The following PCDHA1 variants were observed in gnomAD, a reference collection of about 807,000 sequenced individuals.
PCDHA1 encodes protocadherin alpha 1.
A neutral mutation model predicts 61.3 loss-of-function variants in PCDHA1; 42 were observed. The ratio of observed to expected loss-of-function variants is 0.69; its 90% confidence interval spans 0.54 to 0.89. The LOEUF is 0.89. PCDHA1 is among the 40% of genes least tolerant of loss of function. The pLI is 0.00. For synonymous variants in PCDHA1, 610 were observed against 553.8 expected (o/e 1.10, Z -1.43); for missense variants, 1,256 against 1,235.3 (o/e 1.02, Z -0.25).
chr5:140,941,548 C>CTCG (rs1175641247), intron 1 of PCDHA1, among the ~76,000 whole-genome samples: 1 of 151,868 alleles, frequency 6.6e-6, no homozygotes, highest in Non-Finnish European at 1.5e-5. Context: ...AACTCCTGAC[C>CTCG]TCGTGATCCA....
intron 1 of PCDHA1, among the ~76,000 whole-genome samples, chr5:140,896,747 G>C (rs1162214018): frequency 1.3e-5 from 2 of 152,070 alleles, no homozygotes; most frequent in Admixed American, 1.3e-4. Context: ...ATAGATTCTG[G>C]ATATTAGACC....
intron 3 of PCDHA1, among the ~76,000 whole-genome samples, chr5:141,000,387 CTCTCTCTCTATATA>C (rs1446529556): frequency 4.5e-4 from 30 of 66,870 alleles, no homozygotes; most frequent in African/African-American, 1.4e-3. Flanking sequence ...CTCTCTCTCT[CTCTCTCTCTATATA>C]TATATATATA....
At chr5:140,935,673 A>T (rs1462991962) in intron 1 of PCDHA1, among the ~76,000 whole-genome samples, 1 of 152,180 alleles carries the variant, frequency 6.6e-6, no homozygotes, top group Non-Finnish European at 1.5e-5. Flanking sequence ...AATTATGTGA[A>T]ATATTTACAT....
At chr5:140,978,805 T>G in intron 1 of PCDHA1, 144 bp from the exon 2 acceptor site, 4 of 1,492,524 alleles carry the variant, frequency 2.7e-6, no homozygotes, top group Non-Finnish European at 3.6e-6. Flanking sequence ...GTAGATATCA[T>G]CATAGAGTTA....
chr5:140,985,421 G>T (rs1554247049), intron 3 of PCDHA1, among the ~76,000 whole-genome samples: 1 of 152,110 alleles, frequency 6.6e-6, no homozygotes, highest in African/African-American at 2.4e-5. Context: ...GGAGTGAGGA[G>T]GATTTATTAG....
At chr5:140,969,933 C>T (rs2096370749) in intron 1 of PCDHA1, among the ~76,000 whole-genome samples, 1 of 152,192 alleles carries the variant, frequency 6.6e-6, no homozygotes, top group South Asian at 2.1e-4. Context: ...ATTTAGACAT[C>T]ATACTGAAGC....
chr5:140,788,564 G>C lies in PCDHA1; in HGVS notation c.2274G>C (p.Val758=). 6.2e-7 allele frequency: 1 copy of C among 1,614,172 alleles called. No individual in the cohort carries two copies. The highest frequency in any genetic ancestry group is 8.5e-7 in the Non-Finnish European group (1 of 1,180,006). The change falls in exon 1 of 4, where the codon GTG becomes GTC. Residue 758 remains valine, a synonymous_variant. Transcript: ENST00000504120. ...WSNSQQRRQR[V]CSSEGPPKTD... The stretch of plus-strand genomic sequence containing the variant: ...ACTCACAGCAGAGGCGGCAGAGGGT[G>C]TGCTCTAGCGAGGGCCCACCCAAGA...
intron 1 of PCDHA1, among the ~76,000 whole-genome samples, chr5:140,939,255 A>T (rs1032457788): frequency 2.6e-5 from 4 of 152,060 alleles, no homozygotes; most frequent in Non-Finnish European, 4.4e-5. Context: ...GCTCTCTGGA[A>T]CCTCTTTTAT....
At chr5:140,983,171 C>T (rs1371766725) in intron 3 of PCDHA1, among the ~76,000 whole-genome samples, 2 of 152,136 alleles carry the variant, frequency 1.3e-5, no homozygotes, top group Non-Finnish European at 2.9e-5. Flanking sequence ...AACATGACCG[C>T]CTCACAATTT....
At chr5:140,832,176 A>G (rs1421267980) in intron 1 of PCDHA1, among the ~76,000 whole-genome samples, 1 of 152,234 alleles carries the variant, frequency 6.6e-6, no homozygotes, top group African/African-American at 2.4e-5. Flanking sequence ...AGTTTTATGA[A>G]TTCAAAAGAC....
intron 1 of PCDHA1, among the ~76,000 whole-genome samples, chr5:140,878,446 T>C (rs2057593210): frequency 6.6e-6 from 1 of 152,210 alleles, no homozygotes; most frequent in Admixed American, 6.5e-5. Flanking sequence ...CTATTCTTAT[T>C]TACATGAAAT....
chr5:140,871,698 C>A, intron 1 of PCDHA1: 2 of 905,580 alleles, frequency 2.2e-6, no homozygotes, highest in Non-Finnish European at 3.2e-6. Context: ...GCTTCTTTAA[C>A]CAATAAATGT....
Position 140,982,485 on chromosome 5 carries a change from C to T in PCDHA1, c.2464C>T (p.Leu822=). 1 of 1,614,100 alleles carries T rather than the reference C, an allele frequency of 6.2e-7. No homozygotes were observed. The highest frequency in any genetic ancestry group is 8.5e-7 in the Non-Finnish European group (1 of 1,180,004). The part of the protein sequence containing the change: ...LRAGMHSSVH[L]EEAGILRAGP... ...TGTGTGTTTATTCAGCTCTGTGCAC[C>T]TAGAGGAGGCTGGCATTCTACGGGC... The change falls in exon 3 of 4, where the codon CTA becomes TTA. Residue 822 remains leucine (L), a synonymous_variant. Coordinates refer to ENST00000504120, the MANE Select transcript of PCDHA1 (RefSeq NM_018900.4).
At chr5:140,872,580 T>C (rs1554166256) in intron 1 of PCDHA1, among the ~76,000 whole-genome samples, 1 of 152,172 alleles carries the variant, frequency 6.6e-6, no homozygotes, top group Middle Eastern at 3.2e-3. Flanking sequence ...TGACCTATCA[T>C]CGTGAGACCC....
At position 140,871,619 on chromosome 5, in the gene PCDHA1, A is replaced by G. The variant is rs1214249274; in HGVS notation, c.2394+82935A>G. ...ACCAGTGTTTTGAATATTGTTTTAG[A>G]TAACAATGTCTGTTCATAAAATACC... On this transcript the variant is annotated intron_variant, in intron 1 of 3. Coordinates refer to ENST00000504120, the MANE Select transcript of PCDHA1 (RefSeq NM_018900.4). 17 of 1,415,418 alleles carry G rather than the reference A, an allele frequency of 1.2e-5. No individual in the cohort carries two copies. In the Admixed American group the frequency reaches 3.9e-4, roughly 33 times the overall value. The allele number at this position is 1,415,418 out of a possible 1,614,324, so 87.7% of individuals were successfully genotyped here.
At chr5:140,958,667 TA>T (rs1310790364) in intron 1 of PCDHA1, among the ~76,000 whole-genome samples, 1 of 152,186 alleles carries the variant, frequency 6.6e-6, no homozygotes, top group African/African-American at 2.4e-5. Context: ...GATGAAATTT[TA>T]ATTATAAAGG....
At chr5:140,967,790 C>T in intron 1 of PCDHA1, 1 of 1,614,188 alleles carries the variant, frequency 6.2e-7, no homozygotes, top group Non-Finnish European at 8.5e-7. Flanking sequence ...TGACCGGGGT[C>T]CAGTGCCCAT....
At chr5:140,856,925 T>G in intron 1 of PCDHA1, 1 of 1,595,180 alleles carries the variant, frequency 6.3e-7, no homozygotes, top group Non-Finnish European at 8.6e-7. Flanking sequence ...AAGGAAATTT[T>G]GGATAAACGA....
At chr5:140,956,085 A>T (rs1338013265) in intron 1 of PCDHA1, among the ~76,000 whole-genome samples, 1 of 152,214 alleles carries the variant, frequency 6.6e-6, no homozygotes, top group Admixed American at 6.5e-5. Context: ...GGATCATGTC[A>T]TCTGCAAACA....
Sources: allele counts gnomAD v4.1 joint callset (sites outside exome capture counted in the v4.1 genomes callset), GRCh38; gene constraint gnomAD v4.1.1; transcripts MANE v1.5; gene names NCBI Gene and HGNC (gene_info 2026-07-23, HGNC 2026-07-21).